RRBP1: variants seen among roughly 807,000 people sequenced by gnomAD.
RRBP1 encodes ribosome binding protein 1, also known as ribosome-binding protein 1.
In RRBP1, 94 loss-of-function variants were observed where a neutral mutation model predicts 165.2. The observed-to-expected ratio is 0.57, with a 90% CI of 0.48 to 0.68. RRBP1 has a LOEUF of 0.68. Among genes scored for constraint, RRBP1 ranks in the 30% least tolerant of loss-of-function variants. The pLI, the probability that RRBP1 is intolerant of heterozygous loss-of-function variation, is 0.00. For synonymous variants in RRBP1, 680 were observed against 714.5 expected (o/e 0.95, Z 0.77); for missense variants, 1,676 against 1,763.0 (o/e 0.95, Z 0.88).
chr20:17,641,907 C>A lies in RRBP1; in HGVS notation c.2074G>T (p.Gly692Cys). 6.2e-7 allele frequency: 1 copy of A among 1,613,766 alleles called. No individual in the cohort carries two copies. Residue 692 changes from glycine to cysteine, a missense_variant, in exon 5 of 25, where the codon GGT becomes TGT. By Grantham distance (159) the Gly-to-Cys change is radical. Transcript: ENST00000377813. ...CGTTTCAGAATCGCCACAGGGTCAC[C>A]CTTCTGAGTGGCCTAGAAATACCCA... ...QDTWHKATQK[G>C]DPVAILKRQL... is the part of the protein sequence containing the mutation.
intron 18 of RRBP1, 116 bp downstream of exon 18, chr20:17,620,183 C>T: frequency 1.3e-6 from 1 of 774,542 alleles, no homozygotes; most frequent in East Asian, 2.5e-5. Context: ...GAGAGAATGC[C>T]TCTCTTAAGG....
intron 3 of RRBP1, among the ~76,000 whole-genome samples, chr20:17,656,658 T>C (rs187786910): frequency 9.5e-4 from 144 of 152,338 alleles, no homozygotes; most frequent in Non-Finnish European, 1.8e-3. Context: ...TTGACAGGAC[T>C]GGCCTTCTAA....
intron 9 of RRBP1, among the ~76,000 whole-genome samples, chr20:17,629,286 C>G (rs899643649): frequency 7.9e-5 from 12 of 152,224 alleles, no homozygotes; most frequent in Non-Finnish European, 1.8e-4. Context: ...ACCTTCAGCT[C>G]CCTTTCTCCA....
chr20:17,636,723 C>T lies in RRBP1; in HGVS notation c.2191G>A (p.Ala731Thr). 1 of 1,612,864 alleles carries T rather than the reference C, an allele frequency of 6.2e-7. No homozygotes were observed. Among genetic ancestry groups the T allele is most frequent in the Non-Finnish European group, 8.5e-7 (1 of 1,180,026 alleles). The change falls in exon 6 of 25, where the codon GCA (alanine) becomes ACA (threonine). Residue 731 changes from alanine to threonine, a missense_variant. By Grantham distance (58) the Ala-to-Thr change is moderately conservative (BLOSUM62 0). Transcript: ENST00000377813. ...SKLRELNKEM[A>T]AEKAKAAAGE... Reference sequence around the variant, plus strand: ...GCTGCTGCTTTGGCCTTTTCTGCTGCCATCTCCTGGGGGGAAAGTAGCAGA... The same window carrying T: ...GCTGCTGCTTTGGCCTTTTCTGCTGTCATCTCCTGGGGGGAAAGTAGCAGA...
Position 17,659,921 on chromosome 20 carries a change from G to A in RRBP1, c.587C>T (p.Thr196Ile). ...GAKGNTPATG[T>I]TQGKKAEGTQ... ...CCCCTCCGCCTTTTTGCCCTGAGTA[G>A]TGCCAGTGGCTGGTGTGTTGCCCTT... Residue 196 changes from threonine (T) to isoleucine (I), a missense_variant, in exon 3 of 25, where the codon ACT becomes ATT. Around this residue, in one of 5 missense-constraint regions of RRBP1, gnomAD observed 392 missense variants for 382.5 expected, o/e 1.02. Transcript: ENST00000377813. The A allele has an allele frequency of 1.3e-6, 2 of 1,570,112 alleles. No individual in the cohort carries two copies. Among genetic ancestry groups the A allele is most frequent in the Non-Finnish European group, 8.6e-7 (1 of 1,156,074 alleles).
intron 2 of RRBP1, among the ~76,000 whole-genome samples, chr20:17,674,875 C>T (rs1042885765): frequency 1.3e-5 from 2 of 152,236 alleles, no homozygotes; most frequent in African/African-American, 4.8e-5. Flanking sequence ...TGTTCTGTTT[C>T]CTGGTGAGTG....
intron 16 of RRBP1, 99 bp from the exon 17 acceptor site, chr20:17,620,906 C>T (rs759547642): frequency 2.9e-4 from 245 of 846,048 alleles, no homozygotes; most frequent in Non-Finnish European, 4.2e-4. Flanking sequence ...ACCTGCCGTG[C>T]TCCGCCTGCT....
intron 2 of RRBP1, among the ~76,000 whole-genome samples, chr20:17,673,485 T>G (rs761426758): frequency 6.6e-6 from 1 of 152,206 alleles, no homozygotes; most frequent in South Asian, 2.1e-4. Flanking sequence ...CCCGGCTCAC[T>G]GCAACCTCCG....
chr20:17,633,377 G>A (rs1226242471), intron 8 of RRBP1, 83 bp downstream of exon 8: 12 of 1,474,054 alleles, frequency 8.1e-6, no homozygotes, highest in Non-Finnish European at 1.0e-5. Flanking sequence ...GTGTGGCACG[G>A]CCAGCCTGGG....
rs558110809 is a variant in RRBP1 at position 17,649,683 on chromosome 20, G to A, written c.1913-6556C>T. Among the ~76,000 whole-genome samples the A allele has an allele frequency of 5.9e-5, 9 of 152,244 alleles. No individual in the cohort carries two copies. In the South Asian group the frequency reaches 8.3e-4, roughly 14 times the overall value. ...TGCTACCCTAGACACCTTGAATACC[G>A]TTTCCTGGGGGCTTGACAACTCTTC... is the stretch of plus-strand genomic sequence containing the variant. On this transcript the variant is annotated intron_variant, in intron 3 of 24. Transcript: ENST00000377813.
intron 10 of RRBP1, 24 bp from the exon 11 acceptor site, chr20:17,627,406 T>C (rs1473687679): frequency 3.7e-6 from 6 of 1,613,840 alleles, no homozygotes; most frequent in Non-Finnish European, 5.1e-6. Context: ...CAAAAGCTCC[T>C]TGGTCTCCAG....
At chr20:17,648,233 T>C (rs138538220) in intron 3 of RRBP1, among the ~76,000 whole-genome samples, 130 of 152,366 alleles carry the variant, frequency 8.5e-4, no homozygotes, top group Middle Eastern at 3.4e-3. Flanking sequence ...TGCTCGTTCT[T>C]GGACTGTGGC....
At chr20:17,653,351 G>A (rs1260962950) in intron 3 of RRBP1, among the ~76,000 whole-genome samples, 1 of 152,212 alleles carries the variant, frequency 6.6e-6, no homozygotes, top group Admixed American at 6.5e-5. Flanking sequence ...TCTTGCACAC[G>A]CCACCTGGCA....
Position 17,621,765 on chromosome 20 carries a change from GGT to G in RRBP1, c.3247_3248del (p.Thr1083ArgfsTer46). Reference protein sequence around the residue: ...ELSVLAQQNYTEWLQDLKEKG... With the variant: ...ELSVLAQQNYXEWLQDLKEKG... ...TCTCTTTGAGATCCTGCAGCCACTC[GGT>G]GTAATTCTGCAATGAAACACATTCG... On this transcript the variant is annotated frameshift_variant, in exon 15 of 25. Transcript: ENST00000377813. LOFTEE classifies it high-confidence loss of function. The G allele has an allele frequency of 6.2e-7, 1 of 1,613,918 alleles. No homozygotes were observed. Among genetic ancestry groups the G allele is most frequent in the Non-Finnish European group, 8.5e-7 (1 of 1,179,992 alleles).
chr20:17,616,950 C>A, intron 20 of RRBP1, 111 bp from the exon 21 acceptor site: 1 of 892,666 alleles, frequency 1.1e-6, no homozygotes, highest in South Asian at 1.4e-5. Flanking sequence ...CAGCCAAAGT[C>A]CCTTCAGGGG....
At chr20:17,614,979 T>C in intron 23 of RRBP1, 99 bp from the exon 24 acceptor site, 1 of 1,377,628 alleles carries the variant, frequency 7.3e-7, no homozygotes, top group South Asian at 1.3e-5. Context: ...TGGAGCCCTC[T>C]GGGGACACAA....
At chr20:17,674,097 A>G (rs556194524) in intron 2 of RRBP1, among the ~76,000 whole-genome samples, 1 of 152,358 alleles carries the variant, frequency 6.6e-6, no homozygotes, top group South Asian at 2.1e-4. Flanking sequence ...GCACACTTTA[A>G]TCACTGAATG....
At position 17,660,434 on chromosome 20, in the gene RRBP1, A is replaced by G; in HGVS notation, c.74T>C (p.Ile25Thr). ...GGFMVVSAIG[I>T]FLVSTFSMKE... is the part of the protein sequence containing the mutation. ...CATGGAGAAAGTCGACACCAGGAAG[A>G]TGCCAATGGCAGAAACAACCATGAA... The change falls in exon 3 of 25, where the codon ATC becomes ACC. Residue 25 changes from isoleucine to threonine, a missense_variant. Ile to Thr is a moderately conservative substitution (Grantham distance 89). This residue lies in a region of RRBP1 where 392 missense variants were observed against 382.5 expected (regional missense o/e 1.02). Transcript: ENST00000377813. The G allele has an allele frequency of 6.2e-7, 1 of 1,614,170 alleles. No homozygotes were observed. The highest frequency in any genetic ancestry group is 8.5e-7 in the Non-Finnish European group (1 of 1,180,036).
At chr20:17,662,078 C>T (rs1044203255) in intron 2 of RRBP1, among the ~76,000 whole-genome samples, 11 of 152,056 alleles carry the variant, frequency 7.2e-5, no homozygotes, top group Admixed American at 1.3e-4. Context: ...CTGGCTAACA[C>T]GGTGAAACCC....
Sources: allele counts gnomAD v4.1 joint callset (sites outside exome capture counted in the v4.1 genomes callset), GRCh38; gene constraint gnomAD v4.1.1; regional missense constraint gnomAD v4.1.1; transcripts MANE v1.5; gene names NCBI Gene and HGNC (gene_info 2026-07-23, HGNC 2026-07-21).